The following NXN variants were observed in gnomAD, a reference collection of about 807,000 sequenced individuals.
NXN encodes the protein nucleoredoxin 1.
A neutral mutation model predicts 48.6 loss-of-function variants in NXN; 16 were observed. The ratio of observed to expected loss-of-function variants is 0.33; its 90% confidence interval spans 0.22 to 0.50. NXN has a LOEUF of 0.50. Among genes scored for constraint, NXN ranks in the 20% least tolerant of loss-of-function variants. The probability of loss-of-function intolerance (pLI) is 0.98; values close to 1 mark genes in which losing one functional copy is unlikely to be tolerated. For synonymous variants in NXN, 281 were observed against 269.6 expected (o/e 1.04, Z -0.41); for missense variants, 492 against 605.5 (o/e 0.81, Z 1.97).
At chr17:842,954 AAGAAAGAAAGAG>A (rs1914418642) in intron 1 of NXN, among the ~76,000 whole-genome samples, 1 of 145,506 alleles carries the variant, frequency 6.9e-6, no homozygotes, top group African/African-American at 2.6e-5. Flanking sequence ...AAAGAAAGGA[AAGAAAGAAAGAG>A]AGAAAGAGAG....
chr17:817,724 C>T (rs1403221468), intron 5 of NXN, among the ~76,000 whole-genome samples: 2 of 150,754 alleles, frequency 1.3e-5, no homozygotes, highest in Non-Finnish European at 2.9e-5. Context: ...CGCAGAACTT[C>T]TGGGTAAATC....
intron 1 of NXN, among the ~76,000 whole-genome samples, chr17:944,948 G>GT (rs770802169): frequency 1.3e-5 from 2 of 151,922 alleles, no homozygotes; most frequent in Non-Finnish European, 2.9e-5. Flanking sequence ...AGAAAACTGG[G>GT]TACATAATGG....
intron 1 of NXN, among the ~76,000 whole-genome samples, chr17:860,818 C>T (rs900426442): frequency 2.6e-5 from 4 of 152,254 alleles, no homozygotes; most frequent in Non-Finnish European, 5.9e-5. Context: ...GTGACCCTAA[C>T]TCTAATAGTA....
Position 974,360 on chromosome 17 carries a change from T to C in NXN, c.360+4959A>G, listed in dbSNP as rs187689117. 1.3e-4 allele frequency among the ~76,000 whole-genome samples: 20 copies of C among 151,746 alleles called. No individual in the cohort carries two copies. In the East Asian group the frequency reaches 3.9e-3, roughly 30 times the overall value. ...AGCGAGACTCCATCTCAAAAAAGTATATAGATATATATATATAGATATATG... is the reference window on the plus strand; with the variant it reads ...AGCGAGACTCCATCTCAAAAAAGTACATAGATATATATATATAGATATATG... On this transcript the variant is annotated intron_variant, in intron 1 of 7. Coordinates refer to ENST00000336868, the MANE Select transcript of NXN (RefSeq NM_022463.5).
chr17:801,212 G>A, intron 7 of NXN, 81 bp from the exon 8 acceptor site: 1 of 1,166,354 alleles, frequency 8.6e-7, no homozygotes, highest in Non-Finnish European at 1.1e-6. Context: ...GTCTCCCCAG[G>A]TGTGGTAGCT....
intron 1 of NXN, among the ~76,000 whole-genome samples, chr17:970,721 T>A (rs1001353483): frequency 2.0e-5 from 3 of 152,188 alleles, no homozygotes; most frequent in Non-Finnish European, 4.4e-5. Context: ...TCAGCCAAGC[T>A]CTTTCATCCA....
intron 1 of NXN, among the ~76,000 whole-genome samples, chr17:879,351 A>G (rs1470756727): frequency 1.3e-5 from 2 of 149,530 alleles, no homozygotes; most frequent in Non-Finnish European, 3.0e-5. Context: ...GTGCAGTGGC[A>G]CGATCTCAGC....
chr17:842,994 AAGAGAGAAAGAG>A (rs1203046295), intron 1 of NXN, among the ~76,000 whole-genome samples: 2,186 of 109,686 alleles, frequency 0.02, 20 homozygotes, highest in African/African-American at 0.04. Flanking sequence ...GAAAGAGAGA[AAGAGAGAAAGAG>A]AGAAAGAAAG....
At chr17:863,805 A>G in intron 1 of NXN, 2 of 710,722 alleles carry the variant, frequency 2.8e-6, no homozygotes, top group South Asian at 3.6e-5. Context: ...AAAAGTCCAC[A>G]TACAAATGGA....
In NXN at chr17:819,428, G is replaced by A. The variant is rs766261585; in HGVS notation, c.820+11C>T. ...CAGGAGCCACACGGAGCCGGGGCCTGGAGCGCCTACCTTGGATTCCGTACA... is the reference window on the plus strand; with the variant it reads ...CAGGAGCCACACGGAGCCGGGGCCTAGAGCGCCTACCTTGGATTCCGTACA... On this transcript the variant is annotated intron_variant, in intron 5 of 7. Coordinates refer to ENST00000336868, the MANE Select transcript of NXN (RefSeq NM_022463.5). 6.8e-6 allele frequency: 11 copies of A among 1,610,418 alleles called. No homozygotes were observed. The highest frequency in any genetic ancestry group is 8.5e-6 in the Non-Finnish European group (10 of 1,176,800).
intron 1 of NXN, among the ~76,000 whole-genome samples, chr17:837,644 C>T (rs1913898764): frequency 1.3e-5 from 2 of 152,290 alleles, no homozygotes; most frequent in East Asian, 1.9e-4. Flanking sequence ...AGAAATGATT[C>T]GAATCCAGCG....
At chr17:916,387 G>A (rs968143040) in intron 1 of NXN, among the ~76,000 whole-genome samples, 1 of 152,110 alleles carries the variant, frequency 6.6e-6, no homozygotes, top group African/African-American at 2.4e-5. Context: ...TTGGAAATGA[G>A]TCAAAGTCAA....
At chr17:857,558 C>A (rs1304170544) in intron 1 of NXN, among the ~76,000 whole-genome samples, 2 of 152,214 alleles carry the variant, frequency 1.3e-5, no homozygotes, top group Admixed American at 6.5e-5. Context: ...CCACACCCAG[C>A]CTAAACACCA....
intron 1 of NXN, among the ~76,000 whole-genome samples, chr17:931,461 AAAC>A (rs2068852374): frequency 6.6e-6 from 1 of 151,556 alleles, no homozygotes; most frequent in Non-Finnish European, 1.5e-5. Context: ...CAAAAAAAAA[AAAC>A]AAGAAAGATA....
chr17:955,731 C>T (rs2069160429), intron 1 of NXN, among the ~76,000 whole-genome samples: 1 of 150,926 alleles, frequency 6.6e-6, no homozygotes, highest in African/African-American at 2.4e-5. Flanking sequence ...CCTGTCTCTA[C>T]TAAAAAAAAA....
intron 1 of NXN, among the ~76,000 whole-genome samples, chr17:837,691 G>A (rs1913903443): frequency 6.6e-6 from 1 of 152,182 alleles, no homozygotes; most frequent in Non-Finnish European, 1.5e-5. Context: ...TTGCCCGATG[G>A]TGCCTTAGAT....
intron 5 of NXN, among the ~76,000 whole-genome samples, chr17:809,887 C>T (rs1157544112): frequency 6.7e-6 from 1 of 149,510 alleles, no homozygotes; most frequent in African/African-American, 2.5e-5. Flanking sequence ...GTGGCGTGTA[C>T]GTTAAGAGTC....
At chr17:913,785 G>A (rs565581895) in intron 1 of NXN, among the ~76,000 whole-genome samples, 3 of 151,976 alleles carry the variant, frequency 2.0e-5, no homozygotes, top group South Asian at 4.2e-4. Context: ...AAAAAAATGT[G>A]TAAACAATTG....
chr17:911,958 T>C (rs1176769726), intron 1 of NXN, among the ~76,000 whole-genome samples: 1 of 148,974 alleles, frequency 6.7e-6, no homozygotes, highest in Non-Finnish European at 1.5e-5. Flanking sequence ...TTTTTTGAGA[T>C]GGACAGTCTC....
Sources: gnomAD v4.1 joint callset for allele counts (sites outside exome capture counted in the v4.1 genomes callset) on GRCh38, gnomAD v4.1.1 for gene constraint, MANE v1.5 for transcripts, NCBI Gene and HGNC (gene_info 2026-07-23, HGNC 2026-07-21) for gene names.